The following FAM222A variants were observed in gnomAD, a reference collection of about 807,000 sequenced individuals.
FAM222A encodes the protein family with sequence similarity 222 member A.
FAM222A carries 7 observed loss-of-function variants against 25.8 expected under a neutral mutation model. The observed-to-expected ratio is 0.27, with a 90% CI of 0.15 to 0.51. The LOEUF (loss-of-function observed/expected upper bound fraction) is 0.51. FAM222A is among the 20% of genes least tolerant of loss of function. FAM222A has a pLI of 0.97. For missense variants in FAM222A, 573 were observed against 640.5 expected, an observed-to-expected ratio of 0.89 and a Z score of 1.14; for synonymous variants, 294 against 298.8, an observed-to-expected ratio of 0.98 and a Z score of 0.17.
At chr12:109,737,221 G>C (rs978596266) in intron 1 of FAM222A, among the ~76,000 whole-genome samples, 2 of 152,040 alleles carry the variant, frequency 1.3e-5, no homozygotes, top group African/African-American at 2.4e-5. Flanking sequence ...GGATTGCATG[G>C]GCCAAAGCCT....
At chr12:109,727,318 G>A (rs1306427527) in intron 1 of FAM222A, among the ~76,000 whole-genome samples, 2 of 152,216 alleles carry the variant, frequency 1.3e-5, no homozygotes, top group East Asian at 1.9e-4. Flanking sequence ...TGTGCCTCTC[G>A]GAGGGGGAGG....
At chr12:109,755,113 T>A (rs924665930) in intron 2 of FAM222A, among the ~76,000 whole-genome samples, 2 of 152,190 alleles carry the variant, frequency 1.3e-5, no homozygotes, top group Admixed American at 6.5e-5. Flanking sequence ...CTTTGTGGTA[T>A]CCTTTGAAGC....
At chr12:109,719,460 GC>G (rs1887708872) in intron 1 of FAM222A, among the ~76,000 whole-genome samples, 1 of 152,156 alleles carries the variant, frequency 6.6e-6, no homozygotes, top group Non-Finnish European at 1.5e-5. Flanking sequence ...ACACCCTGTC[GC>G]CCGTGTCCCA....
At chr12:109,766,932 A>G (rs939192350) in intron 2 of FAM222A, among the ~76,000 whole-genome samples, 5 of 152,004 alleles carry the variant, frequency 3.3e-5, no homozygotes, top group Admixed American at 6.5e-5. Context: ...GTCTTGCTCT[A>G]TCGGCCAGGC....
intron 2 of FAM222A, chr12:109,744,882 C>A: frequency 1.5e-6 from 1 of 670,262 alleles, no homozygotes; most frequent in Non-Finnish European, 1.8e-6. Flanking sequence ...TGTATTGCAG[C>A]TATGGTTAGA....
chr12:109,748,852 CTCAT>C (rs1888478974), intron 2 of FAM222A, among the ~76,000 whole-genome samples: 1 of 152,026 alleles, frequency 6.6e-6, no homozygotes, highest in South Asian at 2.1e-4. Flanking sequence ...TGGTTTCTAA[CTCAT>C]TAATTTGTGC....
intron 1 of FAM222A, among the ~76,000 whole-genome samples, chr12:109,733,742 G>A (rs1446223305): frequency 6.6e-6 from 1 of 152,156 alleles, no homozygotes; most frequent in Admixed American, 6.5e-5. Context: ...CACTGGTATA[G>A]GGTATTTAGG....
chr12:109,732,463 C>T (rs551981707), intron 1 of FAM222A, among the ~76,000 whole-genome samples: 2 of 152,374 alleles, frequency 1.3e-5, no homozygotes, highest in East Asian at 3.9e-4. Context: ...CGGCCGCCTG[C>T]CCAGCAGCCC....
At chr12:109,754,995 T>A (rs1888677560) in intron 2 of FAM222A, among the ~76,000 whole-genome samples, 1 of 152,110 alleles carries the variant, frequency 6.6e-6, no homozygotes, top group Admixed American at 6.5e-5. Flanking sequence ...TTCAGCAATT[T>A]GTCTTTTTAT....
At chr12:109,766,520 G>A (rs562209648) in intron 2 of FAM222A, among the ~76,000 whole-genome samples, 5 of 152,366 alleles carry the variant, frequency 3.3e-5, no homozygotes, top group East Asian at 3.9e-4. Context: ...GCAGCAGCTC[G>A]CCCTGGCGCT....
intron 1 of FAM222A, among the ~76,000 whole-genome samples, chr12:109,736,851 A>G (rs566828418): frequency 3.9e-5 from 6 of 152,160 alleles, no homozygotes; most frequent in African/African-American, 1.4e-4. Context: ...AGGCCCAGGA[A>G]TGGCCACCTA....
chr12:109,727,794 G>A (rs1319519324), intron 1 of FAM222A, among the ~76,000 whole-genome samples: 1 of 152,168 alleles, frequency 6.6e-6, no homozygotes, highest in African/African-American at 2.4e-5. Flanking sequence ...AGCAGAGATA[G>A]GTGCTGGGGA....
Position 109,744,116 on chromosome 12 carries a change from G to T in FAM222A, c.-31G>T. On this transcript the variant is annotated 5_prime_UTR_variant, in exon 2 of 3. Transcript: ENST00000538780. ...CCTCCTGCAGGGACCCAGTCGCAGAGCGCACCCCACTGGGGACCCCCAGCT... is the reference window on the plus strand; with the variant it reads ...CCTCCTGCAGGGACCCAGTCGCAGATCGCACCCCACTGGGGACCCCCAGCT... 1 of 1,608,558 alleles carries T rather than the reference G, an allele frequency of 6.2e-7. No individual in the cohort carries two copies. Among genetic ancestry groups the T allele is most frequent in the Non-Finnish European group, 8.5e-7 (1 of 1,178,324 alleles).
intron 1 of FAM222A, among the ~76,000 whole-genome samples, chr12:109,738,391 C>T (rs533534669): frequency 1.3e-5 from 2 of 152,350 alleles, no homozygotes; most frequent in East Asian, 1.9e-4. Flanking sequence ...TCCCCGGGCC[C>T]TGGGCCTCTC....
chr12:109,719,761 A>G (rs1053255690), intron 1 of FAM222A, among the ~76,000 whole-genome samples: 2 of 151,762 alleles, frequency 1.3e-5, no homozygotes, highest in Non-Finnish European at 2.9e-5. Context: ...GGTGAAAGGG[A>G]GATTAGGAGG....
chr12:109,761,904 G>A (rs1041139244), intron 2 of FAM222A, among the ~76,000 whole-genome samples: 4 of 152,066 alleles, frequency 2.6e-5, no homozygotes, highest in Non-Finnish European at 4.4e-5. Flanking sequence ...AAGCCTGCCG[G>A]TTTGCAGTGC....
intron 1 of FAM222A, among the ~76,000 whole-genome samples, chr12:109,739,528 C>T (rs1041295427): frequency 2.6e-5 from 4 of 152,196 alleles, no homozygotes; most frequent in Non-Finnish European, 5.9e-5. Context: ...CCAATGCTGG[C>T]CTCCTGATTT....
Position 109,768,277 on chromosome 12 carries a change from C to T in FAM222A, c.348C>T (p.Ala116=), listed in dbSNP as rs776023083. 7.5e-6 allele frequency: 12 copies of T among 1,606,456 alleles called. No individual in the cohort carries two copies. The highest frequency in any genetic ancestry group is 2.3e-5 in the East Asian group (1 of 44,412). Residue 116 remains alanine, a synonymous_variant, in exon 3 of 3, where the codon GCC becomes GCT. Transcript: ENST00000538780. ...CCGCGGTTTCCTCCTCCAGCACGGC[C>T]GCACCAGCTGGGCCCGCCAAAAGTG... ...VKAAVSSSST[A]APAGPAKSVL...
At chr12:109,739,153 C>T (rs937862031) in intron 1 of FAM222A, among the ~76,000 whole-genome samples, 5 of 152,224 alleles carry the variant, frequency 3.3e-5, no homozygotes, top group African/African-American at 4.8e-5. Context: ...ATGGCTTTCC[C>T]GGGGTCACAA....
Sources: gnomAD v4.1 joint callset for allele counts (sites outside exome capture counted in the v4.1 genomes callset) on GRCh38, gnomAD v4.1.1 for gene constraint, MANE v1.5 for transcripts, NCBI Gene and HGNC (gene_info 2026-07-23, HGNC 2026-07-21) for gene names.